Variants in RIT2 observed in about 807,000 individuals in gnomAD.
RIT2 encodes the protein GTP-binding protein Rit2.
In RIT2, 24 loss-of-function variants were observed where a neutral mutation model predicts 23.7. The ratio of observed to expected loss-of-function variants is 1.01; its 90% CI spans 0.73 to 1.43. RIT2 has a LOEUF of 1.43. Among genes scored for constraint, RIT2 ranks in the 40% most tolerant of loss-of-function variants. RIT2 has a pLI of 0.00. For missense variants in RIT2, 236 were observed against 266.9 expected, an observed-to-expected ratio of 0.88 and a Z score of 0.81; for synonymous variants, 107 against 91.1, an observed-to-expected ratio of 1.17 and a Z score of -0.99.
chr18:42,828,540 A>T (rs1221711149), intron 4 of RIT2, among the ~76,000 whole-genome samples: 1 of 152,208 alleles, frequency 6.6e-6, no homozygotes, highest in Non-Finnish European at 1.5e-5. Flanking sequence ...TAACGAAGTC[A>T]GTTGGCTGTT....
At chr18:42,902,027 A>G (rs1238783221) in intron 4 of RIT2, among the ~76,000 whole-genome samples, 1 of 151,982 alleles carries the variant, frequency 6.6e-6, no homozygotes, top group Admixed American at 6.6e-5. Flanking sequence ...CAAAAATTAT[A>G]AAACAATGTC....
intron 4 of RIT2, among the ~76,000 whole-genome samples, chr18:42,867,982 G>A (rs541929262): frequency 2.0e-5 from 3 of 152,304 alleles, no homozygotes; most frequent in South Asian, 4.1e-4. Context: ...GGCCAGTGCT[G>A]AAAACCATTG....
At chr18:42,934,039 G>GAAAAA in intron 3 of RIT2, among the ~76,000 whole-genome samples, 1 of 130,758 alleles carries the variant, frequency 7.6e-6, no homozygotes, top group Non-Finnish European at 1.6e-5. Flanking sequence ...AAAAAAAAAA[G>GAAAAA]AAAAAAAAAA....
chr18:42,754,551 A>C (rs1261198618), intron 4 of RIT2, among the ~76,000 whole-genome samples: 1 of 152,160 alleles, frequency 6.6e-6, no homozygotes, highest in Non-Finnish European at 1.5e-5. Flanking sequence ...CTTTACAGAC[A>C]GTGCAGTCAG....
At chr18:43,036,902 C>T (rs1911993912) in intron 1 of RIT2, among the ~76,000 whole-genome samples, 1 of 152,176 alleles carries the variant, frequency 6.6e-6, no homozygotes, top group Non-Finnish European at 1.5e-5. Flanking sequence ...TCAAGCTCAA[C>T]CTGTTATCAC....
intron 2 of RIT2, among the ~76,000 whole-genome samples, chr18:42,987,008 C>A (rs908900348): frequency 6.6e-6 from 1 of 152,036 alleles, no homozygotes; most frequent in Non-Finnish European, 1.5e-5. Context: ...TTTTATAATA[C>A]TGCAGATGGT....
intron 1 of RIT2, among the ~76,000 whole-genome samples, chr18:43,101,493 C>T (rs925560925): frequency 2.6e-5 from 4 of 151,754 alleles, no homozygotes; most frequent in Non-Finnish European, 5.9e-5. Context: ...GATAAAATAC[C>T]ATAGGAAATT....
chr18:43,015,377 T>G (rs1911450570), intron 2 of RIT2, among the ~76,000 whole-genome samples: 1 of 151,632 alleles, frequency 6.6e-6, no homozygotes, highest in Non-Finnish European at 1.5e-5. Flanking sequence ...ACAATTTGGA[T>G]AGGCATGAGA....
chr18:43,053,515 G>A (rs117925029), intron 1 of RIT2, among the ~76,000 whole-genome samples: 369 of 151,982 alleles, frequency 2.4e-3, no homozygotes, highest in Middle Eastern at 3.4e-3. Context: ...AAAACTAAGC[G>A]TAATGACTGG....
chr18:42,988,893 G>A (rs1447316309), intron 2 of RIT2, among the ~76,000 whole-genome samples: 3 of 152,286 alleles, frequency 2.0e-5, no homozygotes, highest in Non-Finnish European at 2.9e-5. Context: ...AAAGGACCAC[G>A]GGTTAGGGCA....
chr18:42,822,313 T>C (rs566957921), intron 4 of RIT2, among the ~76,000 whole-genome samples: 27 of 152,270 alleles, frequency 1.8e-4, no homozygotes, highest in Admixed American at 6.5e-4. Flanking sequence ...CTAATTATAA[T>C]TGGCTCAATG....
At chr18:42,917,369 C>T (rs1425637696) in intron 4 of RIT2, among the ~76,000 whole-genome samples, 1 of 152,102 alleles carries the variant, frequency 6.6e-6, no homozygotes, top group Non-Finnish European at 1.5e-5. Context: ...CAGTAATGAC[C>T]TCAGGTATCA....
chr18:43,079,005 T>A (rs1913091882), intron 1 of RIT2, among the ~76,000 whole-genome samples: 1 of 152,164 alleles, frequency 6.6e-6, no homozygotes, highest in African/African-American at 2.4e-5. Context: ...GTCAGATAAA[T>A]TACATTATGT....
chr18:42,901,595 A>G (rs1381584741), intron 4 of RIT2, among the ~76,000 whole-genome samples: 3 of 152,032 alleles, frequency 2.0e-5, no homozygotes, highest in Non-Finnish European at 4.4e-5. Flanking sequence ...TGAATATGAT[A>G]TTTTGATATT....
chr18:42,978,337 T>C (rs1213588773), intron 2 of RIT2, among the ~76,000 whole-genome samples: 1 of 151,724 alleles, frequency 6.6e-6, no homozygotes, highest in Non-Finnish European at 1.5e-5. Context: ...AAAGTGTCTA[T>C]CAGAGTACAC....
At chr18:42,824,783 G>C (rs1906249277) in intron 4 of RIT2, among the ~76,000 whole-genome samples, 2 of 148,398 alleles carry the variant, frequency 1.3e-5, no homozygotes, top group African/African-American at 4.9e-5. Context: ...GTGTGTGTTT[G>C]TGTTTAATTA....
intron 4 of RIT2, among the ~76,000 whole-genome samples, chr18:42,884,976 C>T (rs1907984291): frequency 6.6e-6 from 1 of 152,182 alleles, no homozygotes; most frequent in Non-Finnish European, 1.5e-5. Flanking sequence ...CAGCTTCCCA[C>T]TGAAACTGTT....
intron 4 of RIT2, among the ~76,000 whole-genome samples, chr18:42,868,447 T>C (rs950105172): frequency 2.6e-5 from 4 of 152,224 alleles, no homozygotes; most frequent in Admixed American, 2.6e-4. Context: ...GCCTGGCTTA[T>C]CAATGTTACA....
intron 1 of RIT2, among the ~76,000 whole-genome samples, chr18:43,040,952 AATT>A (rs1260669130): frequency 6.6e-6 from 1 of 152,152 alleles, no homozygotes; most frequent in African/African-American, 2.4e-5. Context: ...TATTAACAGA[AATT>A]ATTATTAAAA....
Sources: gnomAD v4.1 joint callset for allele counts (sites outside exome capture counted in the v4.1 genomes callset) on GRCh38, gnomAD v4.1.1 for gene constraint, MANE v1.5 for transcripts, NCBI Gene and HGNC (gene_info 2026-07-23, HGNC 2026-07-21) for gene names.